Variants in TNFRSF8 observed in about 807,000 individuals in gnomAD.
TNFRSF8 encodes the protein TNF receptor superfamily member 8.
In TNFRSF8, 26 loss-of-function variants were observed where a neutral mutation model predicts 70.8. The observed-to-expected ratio is 0.37, with a 90% CI of 0.27 to 0.51. The LOEUF is 0.51. Ranked by LOEUF, TNFRSF8 falls within the 20% of genes least tolerant of loss-of-function variation. The probability of loss-of-function intolerance (pLI) is 0.94; values close to 1 mark genes in which losing one functional copy is unlikely to be tolerated. For missense variants in TNFRSF8, 720 were observed against 807.9 expected (o/e 0.89, Z 1.32); for synonymous variants, 356 against 339.2 (o/e 1.05, Z -0.54).
chr1:12,132,644 C>T (rs1438343372), intron 12 of TNFRSF8, among the ~76,000 whole-genome samples: 2 of 152,024 alleles, frequency 1.3e-5, no homozygotes, highest in Non-Finnish European at 2.9e-5. Context: ...TTGAGACCAG[C>T]CTGGCCAACA....
chr1:12,115,192 T>G (rs1217565576), intron 7 of TNFRSF8, among the ~76,000 whole-genome samples: 1 of 152,158 alleles, frequency 6.6e-6, no homozygotes, highest in Non-Finnish European at 1.5e-5. Context: ...GGAGAGATAG[T>G]GGGCATATGG....
intron 14 of TNFRSF8, among the ~76,000 whole-genome samples, chr1:12,139,157 T>G (rs1443806743): frequency 6.6e-6 from 1 of 152,134 alleles, no homozygotes; most frequent in Non-Finnish European, 1.5e-5. Flanking sequence ...CCTGACCCTA[T>G]TGCACTCCTG....
rs112893026 is a variant in TNFRSF8 at position 12,094,005 on chromosome 1, G to A, written c.152-3096G>A. Reference sequence around the variant, plus strand: ...ACCTGGGAGGCGGAGGTTGCAGTGAGCTGAGATCCTGCCACTGCACTCCAG... The same window carrying A: ...ACCTGGGAGGCGGAGGTTGCAGTGAACTGAGATCCTGCCACTGCACTCCAG... On this transcript the variant is annotated intron_variant, in intron 2 of 14. Coordinates refer to ENST00000263932, the MANE Select transcript of TNFRSF8 (RefSeq NM_001243.5). Among the ~76,000 whole-genome samples, 1,249 of 146,714 alleles carry A rather than the reference G, an allele frequency of 8.5e-3. 15 individuals carry two copies. Among genetic ancestry groups the A allele is most frequent in the African/African-American group, 0.029 (1,170 of 39,974 alleles).
Position 12,110,053 on chromosome 1 carries a change from C to T in TNFRSF8, c.525C>T (p.Pro175=). ...GCTTCTTCCCCAGTGGCACCATCCC[C>T]CAGGCCAAGCCCACCCCGGTGTCCC... The part of the protein sequence containing the change: ...NCKEPSSGTI[P]QAKPTPVSPA... Residue 175 remains proline (P), a synonymous_variant, in exon 6 of 15, where the codon CCC becomes CCT. Coordinates refer to ENST00000263932, the MANE Select transcript of TNFRSF8 (RefSeq NM_001243.5). This position sits in a 1 kb window ranked among gnomAD's most constrained non-coding sequence, Gnocchi z 4.0. The T allele has an allele frequency of 6.2e-7, 1 of 1,613,072 alleles. No homozygotes were observed. Among genetic ancestry groups the T allele is most frequent in the South Asian group, 1.1e-5 (1 of 90,900 alleles).
chr1:12,134,907 T>C (rs1054574884), intron 12 of TNFRSF8, among the ~76,000 whole-genome samples: 1 of 151,988 alleles, frequency 6.6e-6, no homozygotes, highest in Non-Finnish European at 1.5e-5. Context: ...TCTGACCCAG[T>C]GGAAGCCTCC....
chr1:12,140,932 C>T (rs1183631204), intron 14 of TNFRSF8, among the ~76,000 whole-genome samples: 1 of 152,138 alleles, frequency 6.6e-6, no homozygotes, highest in African/African-American at 2.4e-5. Flanking sequence ...CTATAGGGCT[C>T]CTAGGGCTGG....
chr1:12,119,288 G>A lies in TNFRSF8; in HGVS notation c.946+3559G>A, dbSNP rs1442669859. ...GTGTCCTGACTCCCTGATTCCCTCT[G>A]TGCATCCCCCACCAGCCACAGGTCT... On this transcript the variant is annotated intron_variant, in intron 8 of 14. Coordinates refer to ENST00000263932, the MANE Select transcript of TNFRSF8 (RefSeq NM_001243.5). This position sits in a 1 kb window ranked among gnomAD's most constrained non-coding sequence, Gnocchi z 4.4. Among the ~76,000 whole-genome samples the A allele has an allele frequency of 1.3e-5, 2 of 152,128 alleles. No individual in the cohort carries two copies. Among genetic ancestry groups the A allele is most frequent in the Non-Finnish European group, 2.9e-5 (2 of 68,040 alleles).
Position 12,129,340 on chromosome 1 carries a change from G to A in TNFRSF8, c.1309+3104G>A, listed in dbSNP as rs937167759. ...TCTCTCACCCCGAAAACTTCAGTGT[G>A]TGTTTCAGACAGACAAGGGTGTATT... On this transcript the variant is annotated intron_variant, in intron 12 of 14. Coordinates refer to ENST00000263932, the MANE Select transcript of TNFRSF8 (RefSeq NM_001243.5). 3.3e-5 allele frequency among the ~76,000 whole-genome samples: 5 copies of A among 152,188 alleles called. No individual in the cohort carries two copies. In the East Asian group the frequency reaches 9.6e-4, roughly 29 times the overall value.
At position 12,143,989 on chromosome 1, in the gene TNFRSF8, G is replaced by T. The variant is rs1642311150; in HGVS notation, c.*1458G>T. The stretch of plus-strand genomic sequence containing the variant: ...AAGCTTAAGTGGGCAGACACTGTTT[G>T]CCCAGTGTTTGTGCAAGGATGGAGT... On this transcript the variant is annotated 3_prime_UTR_variant, in exon 15 of 15. Coordinates refer to ENST00000263932, the MANE Select transcript of TNFRSF8 (RefSeq NM_001243.5). This position sits in a 1 kb window ranked among gnomAD's most constrained non-coding sequence, Gnocchi z 4.1. 6.6e-6 allele frequency: 1 copy of T among 152,268 alleles called. No homozygotes were observed. Among genetic ancestry groups the T allele is most frequent in the South Asian group, 2.1e-4 (1 of 4,834 alleles). 9.4% of individuals were successfully genotyped at this position (152,268 alleles called of 1,614,324 possible). A position where few individuals can be genotyped will look rare whatever the true frequency, so the allele number is the denominator to read the frequency against.
chr1:12,132,569 A>G (rs1201116), intron 12 of TNFRSF8, among the ~76,000 whole-genome samples: 124,552 of 152,170 alleles, frequency 0.82, 51,740 homozygotes, highest in African/African-American at 0.96. Context: ...TGGGCGCAGT[A>G]GCTCATGCCT....
At chr1:12,102,674 C>T (rs1641445516) in intron 3 of TNFRSF8, among the ~76,000 whole-genome samples, 1 of 151,664 alleles carries the variant, frequency 6.6e-6, no homozygotes, top group Non-Finnish European at 1.5e-5. Flanking sequence ...TACAGGTGTG[C>T]ACCACCACAC....
rs377016993 is a variant in TNFRSF8, at chr1:12,104,479, C to T, written c.369C>T (p.Ala123=). ...FCSTSAVNSC[A]RCFFHSVCPA... ...CCACGTCTGCCGTCAACTCCTGTGCCCGCTGCTTCTTCCATTCTGTCTGTC... is the reference window on the plus strand; with the variant it reads ...CCACGTCTGCCGTCAACTCCTGTGCTCGCTGCTTCTTCCATTCTGTCTGTC... Residue 123 remains alanine (A), a synonymous_variant, in exon 4 of 15, where the codon GCC becomes GCT. Coordinates refer to ENST00000263932, the MANE Select transcript of TNFRSF8 (RefSeq NM_001243.5). The T allele has an allele frequency of 2.7e-5, 43 of 1,614,214 alleles. No homozygotes were observed. In the African/African-American group the frequency reaches 5.5e-4, roughly 21 times the overall value.
Position 12,072,449 on chromosome 1 carries a change from G to A in TNFRSF8, c.63+8788G>A, listed in dbSNP as rs144139197. 4.2e-3 allele frequency among the ~76,000 whole-genome samples: 644 copies of A among 152,252 alleles called. 2 individuals are homozygous for A. Among genetic ancestry groups the A allele is most frequent in the Non-Finnish European group, 6.8e-3 (461 of 68,014 alleles). ...ACTTCTGCCTGGGTCAGTAGGGGAA[G>A]GAGCCTCCAGAGTTTGCAGTGATGA... On this transcript the variant is annotated intron_variant, in intron 1 of 14. Transcript: ENST00000263932.
chr1:12,063,492 C>T lies in TNFRSF8; in HGVS notation c.-107C>T. ...GCGGGAGTGTGCTGGAGCCTGAAGT[C>T]CACGCGCGCGGCTGAGAACCGCCGG... On this transcript the variant is annotated 5_prime_UTR_variant, in exon 1 of 15. Coordinates refer to ENST00000263932, the MANE Select transcript of TNFRSF8 (RefSeq NM_001243.5). The surrounding 1 kb of genome is among the most constrained non-coding windows in gnomAD (Gnocchi z 7.2). 9.6e-7 allele frequency: 1 copy of T among 1,039,138 alleles called. No homozygotes were observed. The highest frequency in any genetic ancestry group is 1.7e-5 in the African/African-American group (1 of 60,080). 64.4% of individuals were successfully genotyped at this position (1,039,138 alleles called of 1,614,324 possible).
At chr1:12,116,313 G>C (rs866121644) in intron 8 of TNFRSF8, among the ~76,000 whole-genome samples, 1 of 152,168 alleles carries the variant, frequency 6.6e-6, no homozygotes, top group Non-Finnish European at 1.5e-5. Flanking sequence ...TGTTTGCAAG[G>C]CTGTTTTATT....
intron 8 of TNFRSF8, among the ~76,000 whole-genome samples, chr1:12,120,787 T>A (rs1377582858): frequency 6.6e-6 from 1 of 151,932 alleles, no homozygotes; most frequent in Non-Finnish European, 1.5e-5. Context: ...CACCTTCAAA[T>A]CCAAAGAGGA....
intron 14 of TNFRSF8, among the ~76,000 whole-genome samples, chr1:12,139,334 C>T (rs1015247969): frequency 2.6e-5 from 4 of 152,132 alleles, no homozygotes; most frequent in Non-Finnish European, 5.9e-5. Flanking sequence ...TTTACAGACC[C>T]CTCTGTCACT....
At chr1:12,131,996 G>T (rs1457436957) in intron 12 of TNFRSF8, among the ~76,000 whole-genome samples, 1 of 150,912 alleles carries the variant, frequency 6.6e-6, no homozygotes, top group Non-Finnish European at 1.5e-5. Flanking sequence ...GTTTCACCAG[G>T]TTGGCCAGGC....
intron 1 of TNFRSF8, among the ~76,000 whole-genome samples, chr1:12,073,282 A>AACAAACAG (rs1640879632): frequency 6.6e-6 from 1 of 152,092 alleles, no homozygotes; most frequent in African/African-American, 2.4e-5. Flanking sequence ...CAAACAGACA[A>AACAAACAG]ACAAAAAGTA....
Sources: gnomAD v4.1 joint callset for allele counts (sites outside exome capture counted in the v4.1 genomes callset) on GRCh38, gnomAD v4.1.1 for gene constraint, Gnocchi (gnomAD v3.1) non-coding constraint, MANE v1.5 for transcripts, NCBI Gene and HGNC (gene_info 2026-07-23, HGNC 2026-07-21) for gene names.